The following CDK14 variants were observed in gnomAD, a reference collection of about 807,000 sequenced individuals.
The protein encoded by CDK14 is cyclin-dependent kinase 14.
Under a neutral mutation model 60.7 loss-of-function variants are expected in CDK14, and 34 were observed. That is an observed-to-expected ratio of 0.56 (90% CI 0.43 to 0.75). The LOEUF is 0.75. Ranked by LOEUF, CDK14 falls within the 30% of genes least tolerant of loss-of-function variation. CDK14 has a pLI of 0.00. For missense variants in CDK14, 482 were observed against 564.1 expected, an observed-to-expected ratio of 0.85 and a Z score of 1.47; for synonymous variants, 197 against 203.7, an observed-to-expected ratio of 0.97 and a Z score of 0.28.
chr7:90,874,178 T>C (rs1791471786), intron 6 of CDK14, among the ~76,000 whole-genome samples: 1 of 152,130 alleles, frequency 6.6e-6, no homozygotes, highest in African/African-American at 2.4e-5. Context: ...GGTTTTGTCT[T>C]GAGGAAGACA....
At chr7:91,032,997 G>T (rs924461752) in intron 10 of CDK14, among the ~76,000 whole-genome samples, 1 of 152,174 alleles carries the variant, frequency 6.6e-6, no homozygotes, top group Non-Finnish European at 1.5e-5. Flanking sequence ...TCAGGGTAAA[G>T]GTTGACAATC....
At chr7:90,762,045 AGTGGG>A (rs1290095252) in intron 4 of CDK14, among the ~76,000 whole-genome samples, 2 of 152,196 alleles carry the variant, frequency 1.3e-5, no homozygotes, top group Non-Finnish European at 2.9e-5. Context: ...GACCGAGAGT[AGTGGG>A]TTATGTATAT....
chr7:90,692,706 T>C, intron 2 of CDK14: 3 of 944,598 alleles, frequency 3.2e-6, no homozygotes, highest in Non-Finnish European at 3.8e-6. Flanking sequence ...GAATAAATTA[T>C]ATATATAATT....
Position 90,650,952 on chromosome 7 carries a change from T to C in CDK14, c.123+46703T>C, listed in dbSNP as rs1645104506. Among the ~76,000 whole-genome samples the C allele has an allele frequency of 2.0e-5, 3 of 152,220 alleles. No homozygotes were observed. The South Asian group carries it at 6.2e-4, about 32-fold the overall frequency. On this transcript the variant is annotated intron_variant, in intron 2 of 14. Coordinates refer to ENST00000380050, the MANE Select transcript of CDK14 (RefSeq NM_001287135.2). The stretch of plus-strand genomic sequence containing the variant: ...CTTGGCAATGCGGGCTCTTTTTTGG[T>C]TCCATATGAAATTTAAAGTAGTTTT...
intron 2 of CDK14, among the ~76,000 whole-genome samples, chr7:90,653,818 TC>T (rs1239055216): frequency 2.0e-5 from 3 of 152,014 alleles, no homozygotes; most frequent in African/African-American, 4.8e-5. Flanking sequence ...TCCCTCCTTC[TC>T]CCCCCACCTG....
At chr7:90,735,606 G>A (rs754693197) in intron 3 of CDK14, among the ~76,000 whole-genome samples, 1 of 152,342 alleles carries the variant, frequency 6.6e-6, no homozygotes, top group Non-Finnish European at 1.5e-5. Context: ...CAACCTTCCC[G>A]ATGGCTTTGT....
At chr7:91,091,090 A>G (rs1038055857) in intron 12 of CDK14, among the ~76,000 whole-genome samples, 6 of 151,546 alleles carry the variant, frequency 4.0e-5, no homozygotes, top group Non-Finnish European at 7.4e-5. Context: ...AATGACCTCA[A>G]TATTATTTTG....
intron 12 of CDK14, among the ~76,000 whole-genome samples, chr7:91,084,079 G>A (rs1174406560): frequency 6.6e-6 from 1 of 152,144 alleles, no homozygotes; most frequent in South Asian, 2.1e-4. Flanking sequence ...CATCTTGATT[G>A]TATAGCCTAA....
At chr7:90,653,456 C>T (rs916344178) in intron 2 of CDK14, among the ~76,000 whole-genome samples, 3 of 151,882 alleles carry the variant, frequency 2.0e-5, no homozygotes, top group Non-Finnish European at 4.4e-5. Flanking sequence ...TCTATCCTTT[C>T]CCATTTTTCC....
chr7:90,923,680 A>T (rs1793323466), intron 8 of CDK14, among the ~76,000 whole-genome samples: 1 of 152,210 alleles, frequency 6.6e-6, no homozygotes, highest in Admixed American at 6.5e-5. Context: ...AATGCAGAAC[A>T]AATTGCTACG....
At chr7:90,922,564 T>C (rs761633445) in intron 8 of CDK14, among the ~76,000 whole-genome samples, 1 of 152,200 alleles carries the variant, frequency 6.6e-6, no homozygotes, top group Non-Finnish European at 1.5e-5. Context: ...ACAAAGTTAT[T>C]TCCCTTTGAC....
intron 14 of CDK14, among the ~76,000 whole-genome samples, chr7:91,160,916 A>T (rs1277319126): frequency 6.6e-6 from 1 of 152,174 alleles, no homozygotes; most frequent in African/African-American, 2.4e-5. Flanking sequence ...ATTGTTTATC[A>T]TGAGGCTGGA....
At chr7:90,888,090 A>G (rs145725647) in intron 6 of CDK14, among the ~76,000 whole-genome samples, 9,296 of 152,224 alleles carry the variant, frequency 0.061, 410 homozygotes, top group South Asian at 0.094. Flanking sequence ...AATGGCTCAC[A>G]CCTGTAATCC....
chr7:90,990,919 C>G (rs1795514542), intron 10 of CDK14, among the ~76,000 whole-genome samples: 1 of 152,106 alleles, frequency 6.6e-6, no homozygotes, highest in African/African-American at 2.4e-5. Context: ...ATGTGACAGT[C>G]ACTGTGACTA....
At chr7:90,993,792 G>T (rs1003868996) in intron 10 of CDK14, among the ~76,000 whole-genome samples, 1 of 152,108 alleles carries the variant, frequency 6.6e-6, no homozygotes, top group Non-Finnish European at 1.5e-5. Context: ...AAATAGAAAT[G>T]TTGTCTTCCC....
chr7:91,107,801 C>T (rs752862955), intron 12 of CDK14: 5 of 152,188 alleles, frequency 3.3e-5, no homozygotes, highest in East Asian at 1.9e-4. Flanking sequence ...TAAATAAAAC[C>T]GGGCTACCTG....
In CDK14 at chr7:90,648,386, C is replaced by T. The variant is rs17866308; in HGVS notation, c.123+44137C>T. Among the ~76,000 whole-genome samples, 1,030 of 152,170 alleles carry T rather than the reference C, an allele frequency of 6.8e-3. 17 individuals are homozygous for T. Among genetic ancestry groups the T allele is most frequent in the African/African-American group, 0.024 (995 of 41,504 alleles). ...TCCAAGCAAGGGCAAAATAGAAGCC[C>T]TTATGTGTTTTAAGACCTCAGAAGT... On this transcript the variant is annotated intron_variant, in intron 2 of 14. Coordinates refer to ENST00000380050, the MANE Select transcript of CDK14 (RefSeq NM_001287135.2).
intron 10 of CDK14, among the ~76,000 whole-genome samples, chr7:91,039,203 C>T (rs771144426): frequency 6.6e-5 from 10 of 152,232 alleles, no homozygotes; most frequent in Admixed American, 2.6e-4. Context: ...GCCCCCACCG[C>T]GCTCATTACA....
chr7:91,139,504 G>A (rs1800379414), intron 14 of CDK14, among the ~76,000 whole-genome samples: 2 of 152,176 alleles, frequency 1.3e-5, no homozygotes, highest in Admixed American at 1.3e-4. Context: ...GGAGGCAGTG[G>A]AAAGGGAGAG....
Sources: allele counts gnomAD v4.1 joint callset (sites outside exome capture counted in the v4.1 genomes callset), GRCh38; gene constraint gnomAD v4.1.1; transcripts MANE v1.5; gene names NCBI Gene and HGNC (gene_info 2026-07-23, HGNC 2026-07-21).